The following DCLK1 variants were observed in gnomAD, a reference collection of about 807,000 sequenced individuals.
The protein encoded by DCLK1 is serine/threonine-protein kinase DCLK1.
In DCLK1, 16 loss-of-function variants were observed where a neutral mutation model predicts 86.2. The observed-to-expected ratio is 0.19, with a 90% CI of 0.13 to 0.28. The LOEUF (loss-of-function observed/expected upper bound fraction) is 0.28, where lower values mean the gene tolerates loss of function less well. Among genes scored for constraint, DCLK1 ranks in the 10% least tolerant of loss-of-function variants. The pLI, the probability that DCLK1 is intolerant of heterozygous loss-of-function variation, is 1.00. For synonymous variants in DCLK1, 369 were observed against 370.5 expected (o/e 1.00, Z 0.05); for missense variants, 590 against 940.2 (o/e 0.63, Z 4.87).
chr13:36,106,969 C>T (rs149996840), intron 3 of DCLK1, among the ~76,000 whole-genome samples: 75 of 152,178 alleles, frequency 4.9e-4, no homozygotes, highest in African/African-American at 1.8e-3. Flanking sequence ...AAAATAAAGA[C>T]CATTTTGTGA....
At chr13:35,929,864 T>C (rs964299064) in intron 4 of DCLK1, among the ~76,000 whole-genome samples, 9 of 10,198 alleles carry the variant, frequency 8.8e-4, no homozygotes, top group African/African-American at 2.4e-3. Context: ...ATTTTTTTTC[T>C]TTTTTTTTTT....
intron 12 of DCLK1, among the ~76,000 whole-genome samples, chr13:35,809,902 A>G (rs1409557680): frequency 6.6e-6 from 1 of 152,212 alleles, no homozygotes; most frequent in African/African-American, 2.4e-5. Context: ...AAAACAAAAC[A>G]AAACCTCGAA....
At chr13:36,001,706 T>C (rs764803981) in intron 3 of DCLK1, among the ~76,000 whole-genome samples, 1 of 152,224 alleles carries the variant, frequency 6.6e-6, no homozygotes, top group Non-Finnish European at 1.5e-5. Flanking sequence ...ATAAAAAATG[T>C]AAGACTCATC....
chr13:36,126,068 C>G lies in DCLK1; in HGVS notation c.70G>C (p.Gly24Arg). ...CTCGGCAGGCCGTTCACCCGCGACC[C>G]TCGGCTGTATCTCTGCGCCTTATCC... ...ERDKAQRYSR[G>R]SRVNGLPSPT... is the part of the protein sequence containing the mutation. The change falls in exon 2 of 17, where the codon GGG (glycine) becomes CGG (arginine). Residue 24 changes from glycine (G) to arginine (R), a missense_variant. Coordinates refer to ENST00000360631, the MANE Select transcript of DCLK1 (RefSeq NM_001330071.2). 1 of 1,612,874 alleles carries G rather than the reference C, an allele frequency of 6.2e-7. No individual in the cohort carries two copies. Among genetic ancestry groups the G allele is most frequent in the Non-Finnish European group, 8.5e-7 (1 of 1,179,960 alleles).
At chr13:35,861,361 G>C (rs1871371648) in intron 5 of DCLK1, among the ~76,000 whole-genome samples, 1 of 152,278 alleles carries the variant, frequency 6.6e-6, no homozygotes, top group South Asian at 2.1e-4. Context: ...TCATGATAGG[G>C]GAATTGGGGA....
At chr13:36,071,394 GTAT>G (rs1166542977) in intron 3 of DCLK1, among the ~76,000 whole-genome samples, 1 of 151,986 alleles carries the variant, frequency 6.6e-6, no homozygotes, top group Non-Finnish European at 1.5e-5. Context: ...ATTCTGTTAA[GTAT>G]TATTATACTC....
chr13:35,789,844 T>A (rs571604746), intron 16 of DCLK1, among the ~76,000 whole-genome samples: 5 of 152,298 alleles, frequency 3.3e-5, no homozygotes, highest in African/African-American at 1.2e-4. Context: ...TTCATGTCTA[T>A]AAATTGCATT....
At chr13:35,951,738 A>C (rs139967817) in intron 3 of DCLK1, among the ~76,000 whole-genome samples, 124 of 152,166 alleles carry the variant, frequency 8.1e-4, no homozygotes, top group Admixed American at 2.6e-3. Flanking sequence ...AGTGACTTAC[A>C]TTACCTTCTA....
chr13:35,997,318 G>A (rs1044360236), intron 3 of DCLK1, among the ~76,000 whole-genome samples: 1 of 152,178 alleles, frequency 6.6e-6, no homozygotes, highest in African/African-American at 2.4e-5. Flanking sequence ...CTAAAACCTA[G>A]GCAGATATGA....
At chr13:35,837,414 G>A (rs369450619) in intron 7 of DCLK1, among the ~76,000 whole-genome samples, 112 of 152,174 alleles carry the variant, frequency 7.4e-4, no homozygotes, top group African/African-American at 2.5e-3. Flanking sequence ...GTGGTCTCTA[G>A]AATAAAGTGA....
intron 11 of DCLK1, among the ~76,000 whole-genome samples, chr13:35,812,792 G>A (rs1195259253): frequency 1.3e-5 from 2 of 152,236 alleles, no homozygotes; most frequent in Non-Finnish European, 2.9e-5. Flanking sequence ...CCGAAGATTT[G>A]TGAGGTCACC....
intron 16 of DCLK1, among the ~76,000 whole-genome samples, chr13:35,780,356 A>G (rs1217288419): frequency 6.6e-6 from 1 of 152,198 alleles, no homozygotes. Context: ...ATAGGCTTGC[A>G]GTAGAATTCC....
At chr13:35,962,635 C>G (rs1878518498) in intron 3 of DCLK1, among the ~76,000 whole-genome samples, 1 of 152,080 alleles carries the variant, frequency 6.6e-6, no homozygotes, top group Non-Finnish European at 1.5e-5. Context: ...CAGAAATATA[C>G]AGAAATAAAA....
At chr13:36,008,079 C>A (rs1593811900) in intron 3 of DCLK1, among the ~76,000 whole-genome samples, 1 of 148,976 alleles carries the variant, frequency 6.7e-6, no homozygotes, top group Non-Finnish European at 1.5e-5. Flanking sequence ...CAATGCCTAT[C>A]ATTTCCAATC....
chr13:35,890,120 T>C lies in DCLK1; in HGVS notation c.824-18780A>G, dbSNP rs113559167. On this transcript the variant is annotated intron_variant, in intron 4 of 16. Coordinates refer to ENST00000360631, the MANE Select transcript of DCLK1 (RefSeq NM_001330071.2). ...AAAATGTTCTTGCATTTTAAAACAT[T>C]TGAATATCTTAGAATTAATTTAAAT... Among the ~76,000 whole-genome samples the C allele has an allele frequency of 4.5e-3, 678 of 152,224 alleles. 8 individuals carry two copies. The highest frequency in any genetic ancestry group is 0.015 in the African/African-American group (642 of 41,562).
intron 6 of DCLK1, chr13:35,847,959 T>G: frequency 1.0e-6 from 1 of 985,322 alleles, no homozygotes; most frequent in South Asian, 4.7e-5. Flanking sequence ...TCTTTTGAGT[T>G]CACACTGAAC....
At chr13:35,900,368 G>C (rs1274613719) in intron 4 of DCLK1, among the ~76,000 whole-genome samples, 1 of 151,642 alleles carries the variant, frequency 6.6e-6, no homozygotes, top group African/African-American at 2.4e-5. Context: ...AGCCTTCCAA[G>C]TAGCCGGGAT....
At chr13:36,016,891 C>A (rs1025609719) in intron 3 of DCLK1, among the ~76,000 whole-genome samples, 4 of 152,112 alleles carry the variant, frequency 2.6e-5, no homozygotes, top group Non-Finnish European at 5.9e-5. Context: ...GTGCGTACTT[C>A]ACATTTACAA....
At chr13:35,855,003 C>T (rs896778262) in intron 5 of DCLK1, among the ~76,000 whole-genome samples, 2 of 152,190 alleles carry the variant, frequency 1.3e-5, no homozygotes, top group Non-Finnish European at 2.9e-5. Flanking sequence ...CAGTGACATT[C>T]CAGTGACCTG....
Sources: allele counts gnomAD v4.1 joint callset (sites outside exome capture counted in the v4.1 genomes callset), GRCh38; gene constraint gnomAD v4.1.1; transcripts MANE v1.5; gene names NCBI Gene and HGNC (gene_info 2026-07-23, HGNC 2026-07-21).